Variants in CDK6 observed in about 807,000 individuals in gnomAD.
CDK6 encodes cyclin dependent kinase 6.
In CDK6, 6 loss-of-function variants were observed where a neutral mutation model predicts 37.1. The ratio of observed to expected loss-of-function variants is 0.16; its 90% CI spans 0.09 to 0.32. CDK6 has a LOEUF of 0.32. CDK6 is among the 10% of genes least tolerant of loss of function. The pLI, the probability that CDK6 is intolerant of heterozygous loss-of-function variation, is 1.00. For missense variants in CDK6, 224 were observed against 418.9 expected (o/e 0.53, Z 4.06); for synonymous variants, 160 against 161.3 (o/e 0.99, Z 0.06).
At chr7:92,622,942 CAA>C (rs1795838325) in intron 6 of CDK6, 92 bp downstream of exon 6, 2 of 762,450 alleles carry the variant, frequency 2.6e-6, no homozygotes, top group African/African-American at 1.8e-5. Context: ...GTAAGAAAGA[CAA>C]GAGATAAACA....
At chr7:92,697,176 A>C (rs1174741780) in intron 4 of CDK6, among the ~76,000 whole-genome samples, 4 of 152,230 alleles carry the variant, frequency 2.6e-5, no homozygotes, top group African/African-American at 9.6e-5. Flanking sequence ...AATAGTAATC[A>C]TAACTATCGG....
At chr7:92,687,583 C>T (rs1384235618) in intron 4 of CDK6, among the ~76,000 whole-genome samples, 2 of 152,150 alleles carry the variant, frequency 1.3e-5, no homozygotes, top group African/African-American at 4.8e-5. Flanking sequence ...TACATAATAG[C>T]TTAAAAAAGA....
chr7:92,695,292 A>C (rs1027301887), intron 4 of CDK6, among the ~76,000 whole-genome samples: 1 of 151,828 alleles, frequency 6.6e-6, no homozygotes, highest in African/African-American at 2.4e-5. Flanking sequence ...AAAAGAAAGA[A>C]AGAAAGAAAG....
At chr7:92,673,923 G>A (rs541789202) in intron 4 of CDK6, among the ~76,000 whole-genome samples, 3 of 151,690 alleles carry the variant, frequency 2.0e-5, no homozygotes, top group Non-Finnish European at 4.4e-5. Context: ...GACTACAGGC[G>A]CACGCCACCA....
intron 2 of CDK6, among the ~76,000 whole-genome samples, chr7:92,829,635 A>G (rs1443648650): frequency 6.6e-6 from 1 of 152,222 alleles, no homozygotes; most frequent in African/African-American, 2.4e-5. Context: ...ATGTTCACTT[A>G]TATTAGCTAT....
intron 5 of CDK6, among the ~76,000 whole-genome samples, chr7:92,664,191 A>G (rs1051727883): frequency 3.3e-5 from 5 of 152,140 alleles, no homozygotes; most frequent in Non-Finnish European, 2.9e-5. Context: ...TGGTTCTTTA[A>G]AGGAAGAAAA....
chr7:92,710,555 T>C (rs1375677412), intron 4 of CDK6: 1 of 230,936 alleles, frequency 4.3e-6, no homozygotes, highest in Non-Finnish European at 7.1e-6. Flanking sequence ...TTAAACGTTA[T>C]TATTATTCAA....
At chr7:92,637,207 T>G (rs188852169) in intron 5 of CDK6, among the ~76,000 whole-genome samples, 33 of 152,324 alleles carry the variant, frequency 2.2e-4, no homozygotes, top group Middle Eastern at 3.4e-3. Flanking sequence ...AAATAGCAAC[T>G]GACTGTTTTA....
chr7:92,712,230 G>A (rs1295977763), intron 4 of CDK6, among the ~76,000 whole-genome samples: 1 of 151,874 alleles, frequency 6.6e-6, no homozygotes, highest in Non-Finnish European at 1.5e-5. Context: ...CAAAGGGAAT[G>A]TGGAAGAACC....
At chr7:92,644,631 C>T (rs937229704) in intron 5 of CDK6, among the ~76,000 whole-genome samples, 1 of 152,156 alleles carries the variant, frequency 6.6e-6, no homozygotes, top group Non-Finnish European at 1.5e-5. Flanking sequence ...GTAATGTGTA[C>T]AGTCTGGGAA....
chr7:92,611,122 T>A lies in CDK6; in HGVS notation c.*4018A>T. On this transcript the variant is annotated 3_prime_UTR_variant, in exon 8 of 8. Transcript: ENST00000424848. ...GCTTTGAAACTACCCTTTAAATACC[T>A]TCATTTTCTCCAGAATTTCCTTTAT... is the stretch of plus-strand genomic sequence containing the variant. The A allele has an allele frequency of 4.4e-6, 1 of 227,108 alleles. No individual in the cohort carries two copies. Among genetic ancestry groups the A allele is most frequent in the East Asian group, 6.4e-5 (1 of 15,624 alleles). 14.1% of individuals were successfully genotyped at this position (227,108 alleles called of 1,614,324 possible).
At chr7:92,621,331 G>A (rs1329087706) in intron 6 of CDK6, among the ~76,000 whole-genome samples, 5 of 152,212 alleles carry the variant, frequency 3.3e-5, no homozygotes, top group Admixed American at 2.0e-4. Flanking sequence ...GGCAACCTAC[G>A]ATTGTCAGGA....
At chr7:92,616,329 T>C (rs553684521) in intron 7 of CDK6, among the ~76,000 whole-genome samples, 1 of 152,302 alleles carries the variant, frequency 6.6e-6, no homozygotes, top group South Asian at 2.1e-4. Flanking sequence ...TCTAATATTC[T>C]ATCGAAGGCT....
intron 5 of CDK6, among the ~76,000 whole-genome samples, chr7:92,644,918 C>T (rs2116543787): frequency 6.6e-6 from 1 of 152,326 alleles, no homozygotes; most frequent in South Asian, 2.1e-4. Flanking sequence ...GGGCCTGGCG[C>T]TGCACTGACA....
intron 2 of CDK6, among the ~76,000 whole-genome samples, chr7:92,810,569 G>T (rs1317505279): frequency 6.6e-6 from 1 of 152,152 alleles, no homozygotes; most frequent in Non-Finnish European, 1.5e-5. Context: ...ATGACGAAAA[G>T]AAGTGATGAA....
intron 4 of CDK6, among the ~76,000 whole-genome samples, chr7:92,673,057 C>T (rs1797126566): frequency 6.6e-6 from 1 of 152,208 alleles, no homozygotes; most frequent in Admixed American, 6.5e-5. Context: ...TAGGCCTTTT[C>T]TCTTGAGATG....
intron 5 of CDK6, among the ~76,000 whole-genome samples, chr7:92,632,318 GA>G (rs1017220029): frequency 2.6e-5 from 4 of 151,784 alleles, no homozygotes; most frequent in Non-Finnish European, 5.9e-5. Flanking sequence ...TCTTTAAAAA[GA>G]AAAAAAGAAG....
chr7:92,663,363 T>C (rs1482679744), intron 5 of CDK6, among the ~76,000 whole-genome samples: 1 of 152,036 alleles, frequency 6.6e-6, no homozygotes, highest in Non-Finnish European at 1.5e-5. Flanking sequence ...ATATATGTCA[T>C]GAAAACAAAT....
intron 4 of CDK6, among the ~76,000 whole-genome samples, chr7:92,713,511 TG>T (rs1307844987): frequency 6.6e-6 from 1 of 152,118 alleles, no homozygotes; most frequent in Non-Finnish European, 1.5e-5. Context: ...AAATTAATAT[TG>T]ATAAATTAGT....
Sources: gnomAD v4.1 joint callset for allele counts (sites outside exome capture counted in the v4.1 genomes callset) on GRCh38, gnomAD v4.1.1 for gene constraint, MANE v1.5 for transcripts, NCBI Gene and HGNC (gene_info 2026-07-23, HGNC 2026-07-21) for gene names.